INPP4A: variants seen among roughly 807,000 people sequenced by gnomAD.
INPP4A encodes the protein inositol polyphosphate-4-phosphatase, type I, 107kD.
Under a neutral mutation model 119.8 loss-of-function variants are expected in INPP4A, and 33 were observed. That is an observed-to-expected ratio of 0.28 (90% CI 0.21 to 0.37). The LOEUF (loss-of-function observed/expected upper bound fraction) is 0.37, where lower values mean the gene tolerates loss of function less well. Ranked by LOEUF, INPP4A falls within the 10% of genes least tolerant of loss-of-function variation. INPP4A has a pLI of 1.00. For missense variants in INPP4A, 956 were observed against 1,289.9 expected (o/e 0.74, Z 3.97); for synonymous variants, 496 against 500.7 (o/e 0.99, Z 0.12).
chr2:98,498,217 T>A (rs907579637), intron 1 of INPP4A, among the ~76,000 whole-genome samples: 8 of 152,018 alleles, frequency 5.3e-5, no homozygotes, highest in Admixed American at 4.6e-4. Flanking sequence ...CATGTGTTGT[T>A]GGGGGGACCC....
rs1374951078 is a variant in INPP4A, at chr2:98,537,899, G to A, written c.504G>A (p.Val168=). Residue 168 remains valine, a synonymous_variant, in exon 8 of 25, where the codon GTG becomes GTA. Coordinates refer to ENST00000409851, the MANE Select transcript of INPP4A (RefSeq NM_001134225.2). The part of the protein sequence containing the change: ...AESDRVGNIT[V]IGWQMEEKSD... ...GTGACCGTGTAGGTAACATCACCGT[G>A]ATTGGCTGGCAGATGGAGGAGAAGT... 1 of 1,613,106 alleles carries A rather than the reference G, an allele frequency of 6.2e-7. No individual in the cohort carries two copies. The highest frequency in any genetic ancestry group is 1.3e-5 in the African/African-American group (1 of 74,934).
intron 1 of INPP4A, among the ~76,000 whole-genome samples, chr2:98,508,983 G>T (rs1329734836): frequency 6.6e-6 from 1 of 152,182 alleles, no homozygotes; most frequent in South Asian, 2.1e-4. Flanking sequence ...AGAATCCCTG[G>T]CTGCAGAACC....
At chr2:98,582,796 C>T (rs948684075) in intron 24 of INPP4A, among the ~76,000 whole-genome samples, 17 of 150,894 alleles carry the variant, frequency 1.1e-4, no homozygotes, top group African/African-American at 3.7e-4. Flanking sequence ...GATAACCTAC[C>T]GCATAAGTCA....
intron 8 of INPP4A, among the ~76,000 whole-genome samples, chr2:98,538,216 C>G (rs1456324814): frequency 6.6e-6 from 1 of 152,222 alleles, no homozygotes; most frequent in Non-Finnish European, 1.5e-5. Context: ...CTGGCCAATT[C>G]TAGAGGGCAG....
At chr2:98,484,938 A>G (rs752152947) in intron 1 of INPP4A, among the ~76,000 whole-genome samples, 1 of 152,074 alleles carries the variant, frequency 6.6e-6, no homozygotes, top group East Asian at 1.9e-4. Flanking sequence ...TTTATAGTAC[A>G]GGTAATGCTG....
chr2:98,574,289 T>A (rs1405479753), intron 23 of INPP4A, among the ~76,000 whole-genome samples: 1 of 151,996 alleles, frequency 6.6e-6, no homozygotes, highest in East Asian at 1.9e-4. Flanking sequence ...GCCTCTTACC[T>A]AAGTACCTTA....
intron 4 of INPP4A, chr2:98,521,021 C>A: frequency 3.4e-6 from 1 of 297,364 alleles, no homozygotes; most frequent in Non-Finnish European, 6.2e-6. Context: ...CCACCTAGAG[C>A]TGCCAACAGA....
In INPP4A at chr2:98,554,263, A is replaced by T. The variant is rs748868965; in HGVS notation, c.1348-8A>T. 6.3e-7 allele frequency: 1 copy of T among 1,591,548 alleles called. No homozygotes were observed. The highest frequency in any genetic ancestry group is 1.8e-5 in the Admixed American group (1 of 57,030). On this transcript the variant is annotated splice_polypyrimidine_tract_variant and splice_region_variant and intron_variant, in intron 14 of 24. Coordinates refer to ENST00000409851, the MANE Select transcript of INPP4A (RefSeq NM_001134225.2). The surrounding 1 kb of genome is among the most constrained non-coding windows in gnomAD (Gnocchi z 4.7). ...GGCTCAGCAGCCTTGGTTTGTGTGC[A>T]CCTGCAGACACGGCAGCTGGTCACG... is the stretch of plus-strand genomic sequence containing the variant.
chr2:98,577,615 C>T (rs1272346594), intron 24 of INPP4A, among the ~76,000 whole-genome samples: 1 of 152,252 alleles, frequency 6.6e-6, no homozygotes, highest in Non-Finnish European at 1.5e-5. Flanking sequence ...TCTGCTGCTT[C>T]TCTAGCAGTC....
At chr2:98,549,592 T>C (rs528422233) in intron 13 of INPP4A, among the ~76,000 whole-genome samples, 1 of 152,262 alleles carries the variant, frequency 6.6e-6, no homozygotes, top group African/African-American at 2.4e-5. Flanking sequence ...TAACAGAGGC[T>C]CTGCAGTGGT....
intron 11 of INPP4A, among the ~76,000 whole-genome samples, chr2:98,545,200 G>A (rs1310718044): frequency 6.6e-6 from 1 of 152,094 alleles, no homozygotes; most frequent in Admixed American, 6.5e-5. Flanking sequence ...TTCATATGCT[G>A]GCAGTATCAG....
At chr2:98,494,738 C>T (rs1681584957) in intron 1 of INPP4A, among the ~76,000 whole-genome samples, 1 of 152,046 alleles carries the variant, frequency 6.6e-6, no homozygotes, top group South Asian at 2.1e-4. Context: ...GGGATCAGAA[C>T]AAACCTCAAA....
At chr2:98,451,656 C>T (rs1350688680) in intron 1 of INPP4A, among the ~76,000 whole-genome samples, 1 of 152,140 alleles carries the variant, frequency 6.6e-6, no homozygotes, top group Non-Finnish European at 1.5e-5. Flanking sequence ...GTGTCAGCTG[C>T]TGTTATGGAA....
chr2:98,482,483 A>T (rs969993491), intron 1 of INPP4A, among the ~76,000 whole-genome samples: 3 of 152,256 alleles, frequency 2.0e-5, no homozygotes, highest in Non-Finnish European at 4.4e-5. Context: ...GAAAGCAGCC[A>T]ACAGAAAGGT....
At chr2:98,557,575 A>G (rs1304554813) in intron 16 of INPP4A, among the ~76,000 whole-genome samples, 2 of 152,212 alleles carry the variant, frequency 1.3e-5, no homozygotes, top group East Asian at 3.9e-4. Flanking sequence ...ACACCAACAT[A>G]TTTATTATGT....
chr2:98,504,753 A>G (rs1403767494), intron 1 of INPP4A, among the ~76,000 whole-genome samples: 1 of 152,224 alleles, frequency 6.6e-6, no homozygotes, highest in East Asian at 1.9e-4. Flanking sequence ...TAGTGCTTAG[A>G]AAAATAAACA....
chr2:98,463,101 G>C (rs535469865), intron 1 of INPP4A, among the ~76,000 whole-genome samples: 1 of 152,034 alleles, frequency 6.6e-6, no homozygotes, highest in Admixed American at 6.5e-5. Flanking sequence ...CTCGGCCTCC[G>C]AAAGTGCTGG....
At chr2:98,521,362 C>T (rs1687164321) in intron 4 of INPP4A, 1 of 152,266 alleles carries the variant, frequency 6.6e-6, no homozygotes. Context: ...TTTCCCATTC[C>T]TTGGTCAACA....
chr2:98,478,760 C>G (rs951263778), intron 1 of INPP4A, among the ~76,000 whole-genome samples: 6 of 152,096 alleles, frequency 3.9e-5, no homozygotes, highest in Admixed American at 3.9e-4. Flanking sequence ...TGTGTCTGTC[C>G]TATTCTGTCC....
Sources: allele counts gnomAD v4.1 joint callset (sites outside exome capture counted in the v4.1 genomes callset), GRCh38; gene constraint gnomAD v4.1.1; non-coding constraint Gnocchi (gnomAD v3.1); transcripts MANE v1.5; gene names NCBI Gene and HGNC (gene_info 2026-07-23, HGNC 2026-07-21).